Variants in SLC9A4 observed in about 807,000 individuals in gnomAD.
SLC9A4 encodes the protein solute carrier family 9 member A4, also known as sodium/hydrogen exchanger 4.
SLC9A4 carries 63 observed loss-of-function variants against 67.4 expected under a neutral mutation model. That is an observed-to-expected ratio of 0.93 (90% CI 0.76 to 1.15). The LOEUF is 1.15. SLC9A4 is among the 50% of genes most tolerant of loss of function. The pLI, the probability that SLC9A4 is intolerant of heterozygous loss-of-function variation, is 0.00. For synonymous variants in SLC9A4, 393 were observed against 367.2 expected (o/e 1.07, Z -0.80); for missense variants, 1,089 against 987.7 (o/e 1.10, Z -1.38).
At chr2:102,501,994 C>T (rs909005319) in intron 2 of SLC9A4, among the ~76,000 whole-genome samples, 2 of 152,148 alleles carry the variant, frequency 1.3e-5, no homozygotes, top group African/African-American at 4.8e-5. Flanking sequence ...TCCATCTATG[C>T]TTCTGCAGCA....
Position 102,532,731 on chromosome 2 carries a change from G to A in SLC9A4, c.*43G>A. 6.4e-7 allele frequency: 1 copy of A among 1,553,058 alleles called. No individual in the cohort carries two copies. Among genetic ancestry groups the A allele is most frequent in the Non-Finnish European group, 8.8e-7 (1 of 1,140,320 alleles). On this transcript the variant is annotated 3_prime_UTR_variant, in exon 12 of 12. Coordinates refer to ENST00000295269, the MANE Select transcript of SLC9A4 (RefSeq NM_001011552.4). ...TTGTTTTGGTGTTTCTCAAGAGTCT[G>A]TCTTCCTATAACTGTGAAAGGAGGA...
chr2:102,476,088 A>G (rs746562109), intron 1 of SLC9A4, among the ~76,000 whole-genome samples: 2 of 152,236 alleles, frequency 1.3e-5, no homozygotes, highest in Non-Finnish European at 2.9e-5. Context: ...CTTATTGCCC[A>G]TAGATACTCT....
At chr2:102,489,918 G>C (rs893525383) in intron 2 of SLC9A4, among the ~76,000 whole-genome samples, 1 of 152,166 alleles carries the variant, frequency 6.6e-6, no homozygotes, top group Non-Finnish European at 1.5e-5. Context: ...GCCCATGACA[G>C]AGTTTACTAT....
intron 11 of SLC9A4, among the ~76,000 whole-genome samples, chr2:102,528,424 AT>A (rs886335298): frequency 3.3e-5 from 5 of 150,752 alleles, no homozygotes; most frequent in African/African-American, 1.2e-4. Context: ...TTTAATTTAA[AT>A]TTTTTTAGAA....
At chr2:102,508,009 T>G (rs190639969) in intron 4 of SLC9A4, 70 bp from the exon 5 acceptor site, 3 of 1,485,932 alleles carry the variant, frequency 2.0e-6, no homozygotes, top group Non-Finnish European at 2.8e-6. Flanking sequence ...GCACACAACC[T>G]CAGTTCACTA....
intron 6 of SLC9A4, among the ~76,000 whole-genome samples, chr2:102,509,138 G>A (rs1685107314): frequency 6.6e-6 from 1 of 152,184 alleles, no homozygotes; most frequent in South Asian, 2.1e-4. Flanking sequence ...TAGTTCTGGA[G>A]GTCGGAAGTT....
chr2:102,491,317 CTTTTTTTTTTTTTTT>C (rs61708027), intron 2 of SLC9A4, among the ~76,000 whole-genome samples: 3 of 45,768 alleles, frequency 6.6e-5, no homozygotes, highest in South Asian at 1.4e-3. Context: ...TGTACTAATG[CTTTTTTTTTTTTTTT>C]TTTTTTTTTT....
chr2:102,483,316 C>T (rs1426712346), intron 2 of SLC9A4, among the ~76,000 whole-genome samples: 1 of 152,154 alleles, frequency 6.6e-6, no homozygotes, highest in Non-Finnish European at 1.5e-5. Context: ...TAGAACACAG[C>T]TGAAAAGGAA....
chr2:102,477,948 C>T (rs749243088), intron 1 of SLC9A4, among the ~76,000 whole-genome samples: 1 of 152,194 alleles, frequency 6.6e-6, no homozygotes, highest in South Asian at 2.1e-4. Context: ...TGTCTTGTTT[C>T]CAAAACCTTA....
At chr2:102,480,218 C>A (rs1310980528) in intron 2 of SLC9A4, among the ~76,000 whole-genome samples, 3 of 152,118 alleles carry the variant, frequency 2.0e-5, no homozygotes, top group Non-Finnish European at 4.4e-5. Context: ...TCAGCTTGAC[C>A]TTTTCCCTCC....
intron 8 of SLC9A4, among the ~76,000 whole-genome samples, chr2:102,516,817 C>T (rs899040072): frequency 3.3e-5 from 5 of 152,128 alleles, no homozygotes; most frequent in Admixed American, 6.5e-5. Context: ...GAGACCCAAG[C>T]TGATTAAAAG....
At chr2:102,479,838 A>G (rs1335975564) in intron 2 of SLC9A4, among the ~76,000 whole-genome samples, 1 of 152,208 alleles carries the variant, frequency 6.6e-6, no homozygotes, top group Admixed American at 6.5e-5. Flanking sequence ...TATGGAAAAA[A>G]GTGAATGAGG....
intron 7 of SLC9A4, among the ~76,000 whole-genome samples, chr2:102,513,768 T>C (rs1685215996): frequency 6.6e-6 from 1 of 152,220 alleles, no homozygotes; most frequent in Non-Finnish European, 1.5e-5. Flanking sequence ...TCTCTTACAA[T>C]TGGAGCTGAG....
At position 102,529,542 on chromosome 2, in the gene SLC9A4, T is replaced by C. The variant is rs77210873; in HGVS notation, c.2039-2788T>C. Among the ~76,000 whole-genome samples, 564 of 152,266 alleles carry C rather than the reference T, an allele frequency of 3.7e-3. 21 individuals are homozygous for C. The East Asian group carries it at 0.082, about 22-fold the overall frequency. ...TTCTGTGGTTACGATTTATGAAAAA[T>C]AATAAACCATGATACATTTAAAAAG... On this transcript the variant is annotated intron_variant, in intron 11 of 11. Transcript: ENST00000295269.
chr2:102,533,086 G>T lies in SLC9A4; in HGVS notation c.*398G>T. The T allele has an allele frequency of 5.9e-6, 1 of 168,334 alleles. No homozygotes were observed. The highest frequency in any genetic ancestry group is 5.6e-5 in the Admixed American group (1 of 17,938). The allele number at this position is 168,334 out of a possible 1,614,324, so 10.4% of individuals were successfully genotyped here. On this transcript the variant is annotated 3_prime_UTR_variant, in exon 12 of 12. Coordinates refer to ENST00000295269, the MANE Select transcript of SLC9A4 (RefSeq NM_001011552.4). Reference sequence around the variant, plus strand: ...AAATAGAACTAGAAGAGACTTTGAAGTCACCTGACTCAGCCCCTTGTGTTT... The same window carrying T: ...AAATAGAACTAGAAGAGACTTTGAATTCACCTGACTCAGCCCCTTGTGTTT...
In SLC9A4 at chr2:102,479,292, G is replaced by A. The variant is rs1173971628; in HGVS notation, c.710G>A (p.Gly237Asp). Residue 237 changes from glycine (G) to aspartate (D), a missense_variant, in exon 2 of 12, where the codon GGC becomes GAC. Physicochemically the swap from Gly to Asp is moderately conservative, Grantham distance 94 (BLOSUM62 -1). Coordinates refer to ENST00000295269, the MANE Select transcript of SLC9A4 (RefSeq NM_001011552.4). ...MIFGEALLND[G>D]ITVVLYNMLI... ...TTTGGGGAGGCCCTGCTCAATGATG[G>A]CATTACTGTGGTGAGATGTCATGTG... 5.0e-6 allele frequency: 8 copies of A among 1,608,606 alleles called. No individual in the cohort carries two copies. The highest frequency in any genetic ancestry group is 1.1e-5 in the South Asian group (1 of 90,968).
rs1357717825 is a variant in SLC9A4, at chr2:102,473,680, G to C, written c.-80G>C. The C allele has an allele frequency of 7.1e-6, 11 of 1,550,086 alleles. No individual in the cohort carries two copies. The highest frequency in any genetic ancestry group is 9.6e-6 in the Non-Finnish European group (11 of 1,150,774). On this transcript the variant is annotated 5_prime_UTR_variant, in exon 1 of 12. Coordinates refer to ENST00000295269, the MANE Select transcript of SLC9A4 (RefSeq NM_001011552.4). ...ATTACTTTTGACCCAGGTGGATGCA[G>C]TCACTCTCTAGAAGCCTCCCCGACT...
chr2:102,510,752 G>A (rs1466875968), intron 6 of SLC9A4, among the ~76,000 whole-genome samples: 1 of 152,166 alleles, frequency 6.6e-6, no homozygotes, highest in Non-Finnish European at 1.5e-5. Flanking sequence ...TATAGGAGGG[G>A]CAAAGGGTAT....
Position 102,508,283 on chromosome 2 carries a change from T to C in SLC9A4, c.1401+2T>C. Reference sequence around the variant, plus strand: ...ATATACTTTACTGTATTTATTCAGGTAAGTAGATTTCCCTTATATTTAAAT... The same window carrying C: ...ATATACTTTACTGTATTTATTCAGGCAAGTAGATTTCCCTTATATTTAAAT... On this transcript the variant is annotated splice_donor_variant, in intron 5 of 11. Transcript: ENST00000295269. LOFTEE classifies it high-confidence loss of function. 1 of 1,600,690 alleles carries C rather than the reference T, an allele frequency of 6.2e-7. No individual in the cohort carries two copies. The highest frequency in any genetic ancestry group is 8.5e-7 in the Non-Finnish European group (1 of 1,170,484).
Sources: allele counts gnomAD v4.1 joint callset (sites outside exome capture counted in the v4.1 genomes callset), GRCh38; gene constraint gnomAD v4.1.1; transcripts MANE v1.5; gene names NCBI Gene and HGNC (gene_info 2026-07-23, HGNC 2026-07-21).